Variants in CCDC146 observed in about 807,000 individuals in gnomAD.
CCDC146 encodes coiled-coil domain-containing protein 146.
Under a neutral mutation model 119.3 loss-of-function variants are expected in CCDC146, and 92 were observed. The ratio of observed to expected loss-of-function variants is 0.77; its 90% CI spans 0.65 to 0.92. The LOEUF (loss-of-function observed/expected upper bound fraction) is 0.92. CCDC146 is among the 40% of genes least tolerant of loss of function. CCDC146 has a pLI of 0.00. For synonymous variants in CCDC146, 372 were observed against 371.8 expected (o/e 1.00, Z -0.01); for missense variants, 1,000 against 1,103.0 (o/e 0.91, Z 1.32).
At chr7:77,243,362 T>C (rs1792885842) in intron 4 of CCDC146, among the ~76,000 whole-genome samples, 2 of 152,256 alleles carry the variant, frequency 1.3e-5, no homozygotes, top group South Asian at 2.1e-4. Context: ...TCTTTTTGAA[T>C]TTATAATGTA....
chr7:77,163,141 A>G (rs1791288201), intron 1 of CCDC146, among the ~76,000 whole-genome samples: 1 of 152,156 alleles, frequency 6.6e-6, no homozygotes, highest in South Asian at 2.1e-4. Context: ...CAAAGTTAAT[A>G]CCATCTTGAT....
intron 2 of CCDC146, among the ~76,000 whole-genome samples, chr7:77,209,217 A>G (rs1302795213): frequency 6.6e-6 from 1 of 152,276 alleles, no homozygotes; most frequent in Non-Finnish European, 1.5e-5. Flanking sequence ...CTTCCAAGAT[A>G]CATGGGAGCA....
At chr7:77,133,853 A>ACT (rs1491060042) in intron 1 of CCDC146, among the ~76,000 whole-genome samples, 1 of 150,946 alleles carries the variant, frequency 6.6e-6, no homozygotes, top group Non-Finnish European at 1.5e-5. Context: ...ACACACACAC[A>ACT]CTCACACACA....
chr7:77,209,934 G>T (rs1258813938), intron 2 of CCDC146, among the ~76,000 whole-genome samples: 2 of 152,210 alleles, frequency 1.3e-5, no homozygotes, highest in Admixed American at 1.3e-4. Context: ...CCCTAGGCCT[G>T]GCCCACAAAA....
intron 2 of CCDC146, among the ~76,000 whole-genome samples, chr7:77,173,851 C>T (rs1338308295): frequency 6.6e-6 from 1 of 152,134 alleles, no homozygotes; most frequent in African/African-American, 2.4e-5. Flanking sequence ...GAGTAAACCT[C>T]ACAAATATTA....
chr7:77,154,698 C>T (rs1399481782), intron 1 of CCDC146, among the ~76,000 whole-genome samples: 2 of 152,030 alleles, frequency 1.3e-5, no homozygotes, highest in East Asian at 3.8e-4. Context: ...TTAATCCAGT[C>T]TATCATTGAT....
chr7:77,259,155 T>A, intron 7 of CCDC146, 87 bp downstream of exon 7: 1 of 729,430 alleles, frequency 1.4e-6, no homozygotes, highest in Non-Finnish European at 2.3e-6. Flanking sequence ...TTGGACACAT[T>A]AAATTACTAT....
chr7:77,294,099 A>G (rs1794000169), intron 18 of CCDC146, among the ~76,000 whole-genome samples: 1 of 152,144 alleles, frequency 6.6e-6, no homozygotes, highest in Non-Finnish European at 1.5e-5. Context: ...AATCTTGAAA[A>G]CGTTGAGGCT....
At chr7:77,287,095 C>A in intron 16 of CCDC146, 169 bp downstream of exon 16, 1 of 786,098 alleles carries the variant, frequency 1.3e-6, no homozygotes, top group Non-Finnish European at 2.0e-6. Context: ...TTGATTTAGA[C>A]ACTTGCCAAA....
intron 1 of CCDC146, among the ~76,000 whole-genome samples, chr7:77,128,409 C>T (rs1322880089): frequency 1.3e-5 from 2 of 151,952 alleles, no homozygotes; most frequent in East Asian, 3.9e-4. Context: ...CAAAGTAATT[C>T]ATTCATACAA....
Position 77,196,501 on chromosome 7 carries a change from A to G in CCDC146, c.156+28677A>G, listed in dbSNP as rs140799198. ...AGTACAGCCCACAGTTCCCAGAAGG[A>G]TATCGATCATTGTCTTTATCTGGAG... On this transcript the variant is annotated intron_variant, in intron 2 of 18. Transcript: ENST00000285871. The surrounding 1 kb of genome is among the most constrained non-coding windows in gnomAD (Gnocchi z 4.2). 5.6e-3 allele frequency: 9,042 copies of G among 1,614,168 alleles called. 50 individuals carry two copies. Among genetic ancestry groups the G allele is most frequent in the Admixed American group, 6.9e-3 (417 of 60,028 alleles).
intron 1 of CCDC146, among the ~76,000 whole-genome samples, chr7:77,135,856 A>C (rs1790854287): frequency 6.6e-6 from 1 of 152,246 alleles, no homozygotes; most frequent in Non-Finnish European, 1.5e-5. Flanking sequence ...AAAAGAAAGC[A>C]GAAGTAGCTA....
intron 15 of CCDC146, among the ~76,000 whole-genome samples, chr7:77,286,188 G>C (rs1007229121): frequency 3.3e-5 from 5 of 152,196 alleles, no homozygotes; most frequent in African/African-American, 1.2e-4. Flanking sequence ...AATCATGGTG[G>C]AAAGCAAAGG....
intron 2 of CCDC146, among the ~76,000 whole-genome samples, chr7:77,184,857 T>C (rs1365935525): frequency 1.3e-5 from 2 of 152,200 alleles, no homozygotes; most frequent in Non-Finnish European, 2.9e-5. Context: ...ATCATATAAT[T>C]GTTTTGATAA....
At chr7:77,191,872 T>G (rs1365750030) in intron 2 of CCDC146, among the ~76,000 whole-genome samples, 1 of 151,776 alleles carries the variant, frequency 6.6e-6, no homozygotes, top group Non-Finnish European at 1.5e-5. Context: ...ATGGTGCTAC[T>G]GCACTCCAGC....
intron 2 of CCDC146, among the ~76,000 whole-genome samples, chr7:77,218,921 T>A (rs3114304): frequency 6.6e-6 from 1 of 151,962 alleles, no homozygotes; most frequent in Non-Finnish European, 1.5e-5. Flanking sequence ...AAAAAACTTG[T>A]GCACACTAAA....
intron 2 of CCDC146, among the ~76,000 whole-genome samples, chr7:77,227,726 A>G (rs1189544555): frequency 1.3e-5 from 2 of 152,160 alleles, no homozygotes; most frequent in Non-Finnish European, 2.9e-5. Context: ...CTAAATTCTA[A>G]TTCTCTCTAA....
chr7:77,212,446 C>A (rs1230656151), intron 2 of CCDC146, among the ~76,000 whole-genome samples: 1 of 151,384 alleles, frequency 6.6e-6, no homozygotes, highest in Non-Finnish European at 1.5e-5. Context: ...ATGGTGAAAC[C>A]CTGTCTCTAC....
At chr7:77,177,159 A>G (rs1791512751) in intron 2 of CCDC146, among the ~76,000 whole-genome samples, 1 of 152,146 alleles carries the variant, frequency 6.6e-6, no homozygotes, top group African/African-American at 2.4e-5. Flanking sequence ...TTAATTACTG[A>G]AAGTATCGGT....
Sources: gnomAD v4.1 joint callset for allele counts (sites outside exome capture counted in the v4.1 genomes callset) on GRCh38, gnomAD v4.1.1 for gene constraint, Gnocchi (gnomAD v3.1) non-coding constraint, MANE v1.5 for transcripts, NCBI Gene and HGNC (gene_info 2026-07-23, HGNC 2026-07-21) for gene names.